MYLK: variants seen among roughly 807,000 people sequenced by gnomAD.
MYLK encodes myosin light chain kinase, smooth muscle.
In MYLK, 106 loss-of-function variants were observed where a neutral mutation model predicts 203.4. That is an observed-to-expected ratio of 0.52 (90% CI 0.45 to 0.61). The LOEUF is 0.61. Ranked by LOEUF, MYLK falls within the 20% of genes least tolerant of loss-of-function variation. The pLI, the probability that MYLK is intolerant of heterozygous loss-of-function variation, is 0.00. For missense variants in MYLK, 2,072 were observed against 2,442.3 expected, an observed-to-expected ratio of 0.85 and a Z score of 3.20; for synonymous variants, 867 against 959.5, an observed-to-expected ratio of 0.90 and a Z score of 1.78.
At chr3:123,733,154 G>A in intron 10 of MYLK, 52 bp from the exon 11 acceptor site, 3 of 1,575,344 alleles carry the variant, frequency 1.9e-6, no homozygotes, top group Non-Finnish European at 1.7e-6. Flanking sequence ...AGAGCACCCT[G>A]TGATTGTGAG....
At chr3:123,756,077 T>C (rs924647771) in intron 4 of MYLK, among the ~76,000 whole-genome samples, 9 of 152,148 alleles carry the variant, frequency 5.9e-5, no homozygotes, top group Non-Finnish European at 1.2e-4. Context: ...GAGAAGTAGA[T>C]GGTTTGCCAT....
intron 21 of MYLK, among the ~76,000 whole-genome samples, chr3:123,666,633 G>C (rs757116503): frequency 3.9e-5 from 6 of 152,102 alleles, no homozygotes; most frequent in Non-Finnish European, 8.8e-5. Context: ...CTAATTTTTT[G>C]AATTGAGGTC....
chr3:123,683,566 TG>T (rs1269982114), intron 19 of MYLK, among the ~76,000 whole-genome samples: 3 of 152,198 alleles, frequency 2.0e-5, no homozygotes, highest in African/African-American at 4.8e-5. Context: ...AACATGGATC[TG>T]CCTGCATGAG....
chr3:123,617,258 G>C (rs1451016731), intron 33 of MYLK: 3 of 152,096 alleles, frequency 2.0e-5, no homozygotes, highest in Non-Finnish European at 4.4e-5. Flanking sequence ...ATCCCAAAGA[G>C]AAAATTAAGT....
At chr3:123,852,180 C>G (rs1056633755) in intron 2 of MYLK, among the ~76,000 whole-genome samples, 1 of 152,160 alleles carries the variant, frequency 6.6e-6, no homozygotes, top group Non-Finnish European at 1.5e-5. Flanking sequence ...CATCAATGTT[C>G]ATCAAGGATA....
chr3:123,843,374 T>G (rs1458220776), intron 2 of MYLK, among the ~76,000 whole-genome samples: 2 of 152,186 alleles, frequency 1.3e-5, no homozygotes, highest in Non-Finnish European at 2.9e-5. Context: ...TAAGGGCCCT[T>G]TCATCCTTCC....
At chr3:123,753,296 T>C (rs1340043314) in intron 4 of MYLK, among the ~76,000 whole-genome samples, 1 of 152,168 alleles carries the variant, frequency 6.6e-6, no homozygotes, top group Admixed American at 6.5e-5. Context: ...TTAATTTCAG[T>C]TGTTTCTACT....
At chr3:123,614,482 C>T (rs2057354520) in intron 33 of MYLK, 133 bp from the exon 34 acceptor site, 13 of 984,626 alleles carry the variant, frequency 1.3e-5, no homozygotes, top group South Asian at 7.0e-5. Context: ...TGGCCTTTAT[C>T]GACTGTTTTG....
At chr3:123,729,651 G>A (rs984165931) in intron 11 of MYLK, among the ~76,000 whole-genome samples, 1 of 152,202 alleles carries the variant, frequency 6.6e-6, no homozygotes, top group African/African-American at 2.4e-5. Flanking sequence ...GGAGGCTAAA[G>A]TGGGAGGACT....
intron 20 of MYLK, 90 bp from the exon 21 acceptor site, chr3:123,667,277 G>T: frequency 8.0e-7 from 1 of 1,254,080 alleles, no homozygotes. Context: ...TTGTCCACTG[G>T]CCCCTCATCC....
At chr3:123,707,716 G>T in intron 16 of MYLK, 38 bp downstream of exon 16, 1 of 1,613,732 alleles carries the variant, frequency 6.2e-7, no homozygotes, top group East Asian at 2.2e-5. Context: ...AATTTGGAGG[G>T]AAGGGTTAAG....
chr3:123,787,341 G>A (rs1462018927), intron 4 of MYLK, among the ~76,000 whole-genome samples: 7 of 152,256 alleles, frequency 4.6e-5, no homozygotes, highest in South Asian at 2.1e-4. Flanking sequence ...TGGCTGGTGC[G>A]GAATGAGGGC....
At position 123,734,037 on chromosome 3, in the gene MYLK, G is replaced by A. The variant is rs776381441; in HGVS notation, c.959C>T (p.Ser320Phe). ...CGAGTCCTTGCATGACTCCAGCTTG[G>A]ACTCCCTTGGGGGCTGAGGCTGGCT... ...ANSQPQPPRE[S>F]KLESCKDSPR... is the part of the protein sequence containing the mutation. The change falls in exon 10 of 34, where the codon TCC (serine) becomes TTC (phenylalanine). Residue 320 changes from serine to phenylalanine, a missense_variant. Physicochemically the swap from Ser to Phe is radical, Grantham distance 155. Transcript: ENST00000360304. The A allele has an allele frequency of 6.2e-7, 1 of 1,614,146 alleles. No individual in the cohort carries two copies. The highest frequency in any genetic ancestry group is 8.5e-7 in the Non-Finnish European group (1 of 1,180,026).
chr3:123,670,728 A>G (rs1403213620), intron 20 of MYLK, among the ~76,000 whole-genome samples: 1 of 152,178 alleles, frequency 6.6e-6, no homozygotes, highest in Admixed American at 6.5e-5. Context: ...GGTGACAGAG[A>G]GAGACCTTAT....
At chr3:123,624,783 G>A (rs2058055032) in intron 31 of MYLK, 1 of 152,260 alleles carries the variant, frequency 6.6e-6, no homozygotes, top group African/African-American at 2.4e-5. Flanking sequence ...CCCATGAGGG[G>A]TGTAGCCAGG....
chr3:123,804,309 G>C lies in MYLK; in HGVS notation c.-3-10465C>G, dbSNP rs532934946. Among the ~76,000 whole-genome samples the C allele has an allele frequency of 1.1e-4, 17 of 152,250 alleles. No individual in the cohort carries two copies. In the South Asian group the frequency reaches 3.5e-3, roughly 32 times the overall value. On this transcript the variant is annotated intron_variant, in intron 3 of 33. Coordinates refer to ENST00000360304, the MANE Select transcript of MYLK (RefSeq NM_053025.4). ...GGTTTGGGCAGCCCATGGCAGTAGG[G>C]TGTGCTATTGGTGCTGTAGGGTCAC...
Position 123,752,401 on chromosome 3 carries a change from C to T in MYLK, c.303G>A (p.Arg101=). 2 of 1,614,182 alleles carry T rather than the reference C, an allele frequency of 1.2e-6. No individual in the cohort carries two copies. Among genetic ancestry groups the T allele is most frequent in the South Asian group, 1.1e-5 (1 of 91,072 alleles). ...TGGTGGCTTCACAGGTATACTTTCC[C>T]CTGTCCTCCTCATGGACAGCATGAA... ...LVIHAVHEED[R]GKYTCEATNG... is the part of the protein sequence containing the mutation. Residue 101 remains arginine, a synonymous_variant, in exon 5 of 34, where the codon AGG becomes AGA. Coordinates refer to ENST00000360304, the MANE Select transcript of MYLK (RefSeq NM_053025.4).
At chr3:123,840,605 A>T (rs181070903) in intron 2 of MYLK, among the ~76,000 whole-genome samples, 12 of 151,656 alleles carry the variant, frequency 7.9e-5, no homozygotes, top group Admixed American at 4.6e-4. Flanking sequence ...AAGACATTAT[A>T]AAAAAAACCA....
chr3:123,634,833 C>T (rs1003139659), intron 29 of MYLK, among the ~76,000 whole-genome samples: 1 of 152,200 alleles, frequency 6.6e-6, no homozygotes, highest in Non-Finnish European at 1.5e-5. Flanking sequence ...AGGATTTCTC[C>T]CGTATGGAAG....
Sources: gnomAD v4.1 joint callset for allele counts (sites outside exome capture counted in the v4.1 genomes callset) on GRCh38, gnomAD v4.1.1 for gene constraint, MANE v1.5 for transcripts, NCBI Gene and HGNC (gene_info 2026-07-23, HGNC 2026-07-21) for gene names.